The following ISM1 variants were observed in gnomAD, a reference collection of about 807,000 sequenced individuals.
The protein encoded by ISM1 is isthmin-1.
A neutral mutation model predicts 46.3 loss-of-function variants in ISM1; 25 were observed. The ratio of observed to expected loss-of-function variants is 0.54; its 90% CI spans 0.39 to 0.75. The LOEUF (loss-of-function observed/expected upper bound fraction) is 0.75. Ranked by LOEUF, ISM1 falls within the 30% of genes least tolerant of loss-of-function variation. The pLI is 0.00. For synonymous variants in ISM1, 255 were observed against 256.7 expected (o/e 0.99, Z 0.06); for missense variants, 536 against 625.4 (o/e 0.86, Z 1.52).
intron 1 of ISM1, among the ~76,000 whole-genome samples, chr20:13,260,602 G>GT (rs61296867): frequency 0.039 from 5,675 of 144,930 alleles, 167 homozygotes; most frequent in African/African-American, 0.086. Flanking sequence ...ATAAAGTGGA[G>GT]TTTTTTTTTT....
At chr20:13,290,840 T>G (rs144620411) in intron 4 of ISM1, among the ~76,000 whole-genome samples, 1 of 152,234 alleles carries the variant, frequency 6.6e-6, no homozygotes, top group East Asian at 1.9e-4. Context: ...TTGTACTCAT[T>G]CGACAGCTAT....
chr20:13,221,373 C>T lies in ISM1; in HGVS notation c.-404C>T, dbSNP rs2039444057. 6.8e-6 allele frequency among the ~76,000 whole-genome samples: 1 copy of T among 148,062 alleles called. No homozygotes were observed. Among genetic ancestry groups the T allele is most frequent in the African/African-American group, 2.4e-5 (1 of 40,978 alleles). ...CCATGTGCGCTCGGGGGCTCGGCTG[C>T]GCCCGCCCCGCCGCCGACCCCGCAG... On this transcript the variant is annotated 5_prime_UTR_variant, in exon 1 of 6. Transcript: ENST00000262487.
intron 1 of ISM1, among the ~76,000 whole-genome samples, chr20:13,223,616 TTTTAAC>T (rs1435944598): frequency 6.6e-6 from 1 of 152,188 alleles, no homozygotes; most frequent in Non-Finnish European, 1.5e-5. Context: ...CTTAAAGTTG[TTTTAAC>T]TTTGAGACAT....
chr20:13,273,484 C>T (rs1320350024), intron 2 of ISM1, among the ~76,000 whole-genome samples: 5 of 152,080 alleles, frequency 3.3e-5, no homozygotes, highest in Non-Finnish European at 5.9e-5. Flanking sequence ...AATTTTCCTG[C>T]CTCAGCCTCT....
chr20:13,301,801 T>G (rs2040460455), downstream of ISM1, among the ~76,000 whole-genome samples: 1 of 152,070 alleles, frequency 6.6e-6, no homozygotes, highest in South Asian at 2.1e-4. Context: ...ATTAGTCACA[T>G]GAACAGCTCA....
intron 1 of ISM1, among the ~76,000 whole-genome samples, chr20:13,242,557 A>C (rs969548828): frequency 1.3e-5 from 2 of 152,160 alleles, no homozygotes; most frequent in African/African-American, 2.4e-5. Flanking sequence ...GCTGAGTCCA[A>C]TTAAGTGTTC....
At chr20:13,265,559 G>A (rs192170201) in intron 1 of ISM1, among the ~76,000 whole-genome samples, 49 of 152,228 alleles carry the variant, frequency 3.2e-4, no homozygotes, top group African/African-American at 1.1e-3. Context: ...GCTTCTTGTT[G>A]CAGGAAAGTA....
At chr20:13,305,393 G>A (rs1406018246), downstream of ISM1, among the ~76,000 whole-genome samples, 1 of 152,124 alleles carries the variant, frequency 6.6e-6, no homozygotes, top group African/African-American at 2.4e-5. Context: ...GAGCAATAGT[G>A]ATCAAAACCC....
intron 1 of ISM1, among the ~76,000 whole-genome samples, chr20:13,262,761 C>A (rs961697932): frequency 5.9e-5 from 9 of 152,096 alleles, no homozygotes; most frequent in Admixed American, 2.6e-4. Context: ...GCCCCAAGAA[C>A]CTTCAATGAG....
intron 2 of ISM1, among the ~76,000 whole-genome samples, chr20:13,278,616 G>GA (rs1241187012): frequency 6.6e-6 from 1 of 152,198 alleles, no homozygotes; most frequent in African/African-American, 2.4e-5. Context: ...GCAAGTTGTT[G>GA]ATGTCTCTGT....
chr20:13,249,550 A>G (rs2039841529), intron 1 of ISM1, among the ~76,000 whole-genome samples: 1 of 152,222 alleles, frequency 6.6e-6, no homozygotes, highest in Admixed American at 6.5e-5. Context: ...TACACCTCGG[A>G]AAATAAACGA....
At chr20:13,276,297 T>C (rs550988809) in intron 2 of ISM1, among the ~76,000 whole-genome samples, 131 of 152,310 alleles carry the variant, frequency 8.6e-4, no homozygotes, top group African/African-American at 3.1e-3. Flanking sequence ...CTCAGTGGCG[T>C]TGGTTTATTA....
the ISM1 span, among the ~76,000 whole-genome samples, chr20:13,326,003 A>G: frequency 0.33 from 49,338 of 151,724 alleles, 9,704 homozygotes; most frequent in African/African-American, 0.54. Flanking sequence ...ACTCCGGGTA[A>G]CCACTGATCT....
intron 1 of ISM1, among the ~76,000 whole-genome samples, chr20:13,268,046 T>A (rs1246938160): frequency 6.6e-6 from 1 of 152,240 alleles, no homozygotes; most frequent in East Asian, 1.9e-4. Flanking sequence ...CATTCAGCTA[T>A]CTCCCCTTTG....
chr20:13,267,170 T>C (rs2123238969), intron 1 of ISM1, among the ~76,000 whole-genome samples: 1 of 152,306 alleles, frequency 6.6e-6, no homozygotes, highest in East Asian at 1.9e-4. Context: ...GGGCATGCCA[T>C]TGCAAGGAGG....
chr20:13,307,325 G>A, the ISM1 span, among the ~76,000 whole-genome samples: 973 of 152,176 alleles, frequency 6.4e-3, 9 homozygotes, highest in Non-Finnish European at 0.011. Context: ...AAGCACACAC[G>A]TATCATAAGT....
intron 1 of ISM1, among the ~76,000 whole-genome samples, chr20:13,243,029 C>G (rs974146506): frequency 6.6e-6 from 1 of 152,186 alleles, no homozygotes; most frequent in Non-Finnish European, 1.5e-5. Context: ...CCAAGTCACA[C>G]AGATAGCAGA....
At chr20:13,243,876 A>G (rs1351144709) in intron 1 of ISM1, among the ~76,000 whole-genome samples, 1 of 152,236 alleles carries the variant, frequency 6.6e-6, no homozygotes, top group East Asian at 1.9e-4. Context: ...TAGCAGGCAC[A>G]GTTTTCCTGA....
the ISM1 span, among the ~76,000 whole-genome samples, chr20:13,307,550 TA>T: frequency 6.6e-6 from 1 of 152,166 alleles, no homozygotes; most frequent in Non-Finnish European, 1.5e-5. Context: ...CAACACAAAA[TA>T]AATAAGGCAA....
Sources: gnomAD v4.1 joint callset for allele counts (sites outside exome capture counted in the v4.1 genomes callset) on GRCh38, gnomAD v4.1.1 for gene constraint, MANE v1.5 for transcripts, NCBI Gene and HGNC (gene_info 2026-07-23, HGNC 2026-07-21) for gene names.